Variants in STK3 observed in about 807,000 individuals in gnomAD.
STK3 encodes serine/threonine-protein kinase 3.
STK3 carries 41 observed loss-of-function variants against 58.0 expected under a neutral mutation model. The ratio of observed to expected loss-of-function variants is 0.71; its 90% CI spans 0.55 to 0.92. STK3 has a LOEUF of 0.92. Among genes scored for constraint, STK3 ranks in the 40% least tolerant of loss-of-function variants. The pLI is 0.00. For synonymous variants in STK3, 170 were observed against 191.0 expected, an observed-to-expected ratio of 0.89 and a Z score of 0.91; for missense variants, 479 against 602.7, an observed-to-expected ratio of 0.79 and a Z score of 2.15.
intron 4 of STK3, among the ~76,000 whole-genome samples, chr8:98,733,829 C>A (rs561845237): frequency 6.6e-6 from 1 of 152,080 alleles, no homozygotes; most frequent in Admixed American, 6.5e-5. Flanking sequence ...TGTTTTGAAC[C>A]TTTCCATTCA....
intron 1 of STK3, among the ~76,000 whole-genome samples, chr8:98,809,061 G>A (rs750532173): frequency 1.3e-5 from 2 of 152,186 alleles, no homozygotes; most frequent in Admixed American, 6.5e-5. Flanking sequence ...ACACATCCAC[G>A]TGCTGAAAGA....
upstream of STK3, among the ~76,000 whole-genome samples, chr8:98,830,623 T>G (rs1389785513): frequency 2.6e-5 from 4 of 152,148 alleles, no homozygotes; most frequent in Non-Finnish European, 5.9e-5. Flanking sequence ...AAAGGAAAGC[T>G]GCAGGAACAT....
chr8:98,530,279 C>T (rs994685184), intron 9 of STK3, among the ~76,000 whole-genome samples: 1 of 152,024 alleles, frequency 6.6e-6, no homozygotes, highest in Admixed American at 6.6e-5. Context: ...AGCCTAGTAC[C>T]CATTTGTTTT....
At chr8:98,650,714 C>T (rs534350282) in intron 6 of STK3, among the ~76,000 whole-genome samples, 22 of 152,314 alleles carry the variant, frequency 1.4e-4, no homozygotes, top group African/African-American at 4.1e-4. Flanking sequence ...GAGGGTCCTA[C>T]GCCCACGGAG....
At chr8:98,487,938 T>A (rs1483579581) in intron 10 of STK3, among the ~76,000 whole-genome samples, 1 of 152,268 alleles carries the variant, frequency 6.6e-6, no homozygotes, top group Non-Finnish European at 1.5e-5. Context: ...AATGTTTATG[T>A]CCTTCATGCC....
intron 7 of STK3, among the ~76,000 whole-genome samples, chr8:98,581,848 G>A (rs1426924242): frequency 2.6e-5 from 4 of 151,752 alleles, no homozygotes; most frequent in Non-Finnish European, 5.9e-5. Flanking sequence ...TTTTATGCTT[G>A]TTTTATATAC....
At chr8:98,597,929 G>C (rs1273714477) in intron 6 of STK3, 19 of 985,002 alleles carry the variant, frequency 1.9e-5, no homozygotes, top group Non-Finnish European at 2.3e-5. Context: ...CCACAGTTGA[G>C]GCAGAACCTA....
At chr8:98,413,989 C>A (rs557846377) in intron 3 of STK3, among the ~76,000 whole-genome samples, 11 of 152,342 alleles carry the variant, frequency 7.2e-5, no homozygotes, top group Non-Finnish European at 1.5e-4. Flanking sequence ...TTTGGCCAGG[C>A]CAGGTGGCTC....
chr8:98,409,999 T>A (rs1159909619), intron 3 of STK3, among the ~76,000 whole-genome samples: 1 of 152,264 alleles, frequency 6.6e-6, no homozygotes, highest in Non-Finnish European at 1.5e-5. Context: ...TGAACTGGTC[T>A]AATTTATTTT....
chr8:98,449,799 C>T (rs1010690507), downstream of STK3, among the ~76,000 whole-genome samples: 2 of 152,158 alleles, frequency 1.3e-5, no homozygotes, highest in Admixed American at 6.6e-5. Context: ...TCTCTTGATA[C>T]TGCGTTAGTT....
At chr8:98,371,282 A>G (rs1817607971), downstream of STK3, 1 of 152,236 alleles carries the variant, frequency 6.6e-6, no homozygotes, top group Non-Finnish European at 1.5e-5. Flanking sequence ...AGGACGAGAA[A>G]GAGAAATTAA....
chr8:98,687,933 T>G (rs1824122275), intron 6 of STK3, among the ~76,000 whole-genome samples: 1 of 152,106 alleles, frequency 6.6e-6, no homozygotes, highest in South Asian at 2.1e-4. Context: ...ATATCAATAT[T>G]AACCTTGAAT....
At chr8:98,711,849 G>C (rs545787349) in intron 4 of STK3, among the ~76,000 whole-genome samples, 1 of 152,160 alleles carries the variant, frequency 6.6e-6, no homozygotes, top group African/African-American at 2.4e-5. Context: ...CACCAAAGTT[G>C]AAATGAAGGA....
intron 9 of STK3, among the ~76,000 whole-genome samples, chr8:98,529,811 T>C (rs2131500676): frequency 6.6e-6 from 1 of 152,270 alleles, no homozygotes; most frequent in South Asian, 2.1e-4. Context: ...ATGTCAGGTA[T>C]TTAGAGTAGT....
At chr8:98,362,267 C>G in the STK3 span, among the ~76,000 whole-genome samples, 1 of 152,102 alleles carries the variant, frequency 6.6e-6, no homozygotes, top group East Asian at 1.9e-4. Context: ...CGGTTTGGAT[C>G]TTTACTGGAG....
At chr8:98,861,040 A>T (rs754989217) in intron 3 of STK3, among the ~76,000 whole-genome samples, 1 of 152,038 alleles carries the variant, frequency 6.6e-6, no homozygotes, top group Non-Finnish European at 1.5e-5. Context: ...AGCCTGGGGG[A>T]CAGAGCAAGA....
chr8:98,797,312 T>C (rs1407957249), intron 1 of STK3, among the ~76,000 whole-genome samples: 4 of 152,212 alleles, frequency 2.6e-5, no homozygotes, highest in Non-Finnish European at 5.9e-5. Flanking sequence ...GGAGTCAGAA[T>C]GAAAAATATT....
chr8:98,649,145 G>A (rs1297877517), intron 6 of STK3, among the ~76,000 whole-genome samples: 1 of 151,414 alleles, frequency 6.6e-6, no homozygotes, highest in African/African-American at 2.4e-5. Flanking sequence ...AGTCTATTGG[G>A]ATTTGCATTT....
At chr8:98,611,931 T>C (rs1383387889) in intron 6 of STK3, among the ~76,000 whole-genome samples, 1 of 151,768 alleles carries the variant, frequency 6.6e-6, no homozygotes, top group African/African-American at 2.4e-5. Flanking sequence ...AGAGACAGAG[T>C]TCATAAATAG....
Sources: allele counts gnomAD v4.1 joint callset (sites outside exome capture counted in the v4.1 genomes callset), GRCh38; gene constraint gnomAD v4.1.1; transcripts MANE v1.5; gene names NCBI Gene and HGNC (gene_info 2026-07-23, HGNC 2026-07-21).